Variants in RIPOR3 observed in about 807,000 individuals in gnomAD.
RIPOR3 encodes family with sequence similarity 65 member C.
Under a neutral mutation model 114.3 loss-of-function variants are expected in RIPOR3, and 95 were observed. The observed-to-expected ratio is 0.83, with a 90% CI of 0.70 to 0.99. The LOEUF (loss-of-function observed/expected upper bound fraction) is 0.99, where lower values mean the gene tolerates loss of function less well. Among genes scored for constraint, RIPOR3 ranks in the 50% least tolerant of loss-of-function variants. The probability of loss-of-function intolerance (pLI) is 0.00; values close to 1 mark genes in which losing one functional copy is unlikely to be tolerated. For synonymous variants in RIPOR3, 575 were observed against 543.8 expected (o/e 1.06, Z -0.80); for missense variants, 1,252 against 1,266.9 (o/e 0.99, Z 0.18).
chr20:50,633,476 A>G (rs1008941468), intron 1 of RIPOR3, among the ~76,000 whole-genome samples: 2 of 152,142 alleles, frequency 1.3e-5, no homozygotes, highest in Admixed American at 6.5e-5. Context: ...GCACCTATGC[A>G]GGGCCTGAGA....
At chr20:50,666,475 C>T (rs1315731811) in intron 1 of RIPOR3, among the ~76,000 whole-genome samples, 2 of 151,528 alleles carry the variant, frequency 1.3e-5, no homozygotes, top group East Asian at 2.0e-4. Context: ...CCACCTGCCC[C>T]GACCTCTGAA....
At chr20:50,613,766 C>T (rs555118954) in intron 4 of RIPOR3, among the ~76,000 whole-genome samples, 1 of 152,326 alleles carries the variant, frequency 6.6e-6, no homozygotes, top group East Asian at 1.9e-4. Context: ...CGGGGTGAGA[C>T]TCACTGTACC....
chr20:50,617,857 C>T (rs1009112432), intron 3 of RIPOR3, among the ~76,000 whole-genome samples: 12 of 149,524 alleles, frequency 8.0e-5, no homozygotes, highest in Non-Finnish European at 1.5e-4. Context: ...CTCCTGAATT[C>T]GTGATCCGCC....
chr20:50,642,360 G>C (rs1293158805), intron 1 of RIPOR3, among the ~76,000 whole-genome samples: 6 of 148,378 alleles, frequency 4.0e-5, no homozygotes, highest in African/African-American at 1.0e-4. Flanking sequence ...GTGTGTGTGT[G>C]TGTGTGTGTG....
At chr20:50,589,587 C>T (rs571711462) in intron 20 of RIPOR3, 99 bp downstream of exon 20, 32 of 1,293,008 alleles carry the variant, frequency 2.5e-5, no homozygotes, top group Middle Eastern at 1.8e-4. Context: ...TGAGCCATCA[C>T]GCCCAGCCCC....
chr20:50,592,831 T>C (rs2083157463), intron 18 of RIPOR3, among the ~76,000 whole-genome samples: 1 of 152,212 alleles, frequency 6.6e-6, no homozygotes, highest in African/African-American at 2.4e-5. Context: ...CTCTGACCTC[T>C]GTTCCGTGCT....
chr20:50,608,936 G>T lies in RIPOR3; in HGVS notation c.660C>A (p.Arg220=). 1.3e-6 allele frequency: 2 copies of T among 1,586,992 alleles called. No individual in the cohort carries two copies. Among genetic ancestry groups the T allele is most frequent in the Non-Finnish European group, 1.7e-6 (2 of 1,167,286 alleles). Residue 220 remains arginine, a synonymous_variant, in exon 9 of 22, where the codon CGC becomes CGA. Coordinates refer to ENST00000327979, the MANE Select transcript of RIPOR3 (RefSeq NM_001290268.2). ...IRMKGLVGYA[R]LCPGDHYEVL... ...CCTCATAGTGGTCTCCGGGACAGAG[G>T]CGTGCGTAGCCCACCAAGCCTGGAA...
chr20:50,594,391 G>A (rs780727976), intron 17 of RIPOR3, among the ~76,000 whole-genome samples, 162 bp downstream of exon 17: 18 of 152,262 alleles, frequency 1.2e-4, no homozygotes, highest in South Asian at 2.1e-4. Context: ...GTGAAAGGGC[G>A]GTGACTCGCA....
intron 17 of RIPOR3, among the ~76,000 whole-genome samples, chr20:50,594,191 G>A (rs539850125): frequency 4.0e-5 from 6 of 151,034 alleles, no homozygotes; most frequent in South Asian, 2.1e-4. Context: ...CAGAAGAATC[G>A]CTTGAACCCG....
rs139802411 is a variant in RIPOR3, at chr20:50,590,354, G to A, written c.2578-585C>T. On this transcript the variant is annotated intron_variant, in intron 19 of 21. Transcript: ENST00000327979. ...TTTGTCAGAAAGCACACAGGGTTAT[G>A]CCCGGCCCGCAGTGGAGTCCAGCGT... 4.3e-3 allele frequency among the ~76,000 whole-genome samples: 649 copies of A among 152,346 alleles called. 4 individuals carry two copies. Among genetic ancestry groups the A allele is most frequent in the African/African-American group, 9.9e-3 (411 of 41,588 alleles).
intron 1 of RIPOR3, among the ~76,000 whole-genome samples, chr20:50,638,624 G>A (rs74487319): frequency 7.1e-4 from 108 of 152,258 alleles, no homozygotes; most frequent in African/African-American, 2.5e-3. Context: ...GTGTCGGGGC[G>A]CCAGGTGGGA....
intron 1 of RIPOR3, among the ~76,000 whole-genome samples, chr20:50,646,459 G>T (rs1304466797): frequency 1.3e-5 from 2 of 152,168 alleles, no homozygotes; most frequent in African/African-American, 4.8e-5. Flanking sequence ...AAGTCAGATG[G>T]TTAACCTACA....
intron 1 of RIPOR3, among the ~76,000 whole-genome samples, chr20:50,651,107 A>C (rs375303846): frequency 6.5e-4 from 99 of 151,862 alleles, no homozygotes; most frequent in African/African-American, 2.1e-3. Context: ...GTTGGCTCTT[A>C]CTGGCCAAGG....
intron 2 of RIPOR3, chr20:50,621,151 C>A: frequency 5.6e-6 from 2 of 355,628 alleles, no homozygotes; most frequent in Non-Finnish European, 1.1e-5. Flanking sequence ...TAATAAAAAT[C>A]TGGTATCAGA....
chr20:50,596,373 G>A, intron 14 of RIPOR3, 110 bp from the exon 15 acceptor site: 1 of 1,475,298 alleles, frequency 6.8e-7, no homozygotes, highest in Non-Finnish European at 9.3e-7. Flanking sequence ...GCCCACTCCA[G>A]GTCCCAGGAA....
intron 1 of RIPOR3, among the ~76,000 whole-genome samples, chr20:50,682,583 G>C (rs1328932480): frequency 1.7e-5 from 1 of 59,170 alleles, no homozygotes; most frequent in African/African-American, 4.0e-5. Context: ...CTCCAGCCTG[G>C]GTGACAGAGT....
chr20:50,638,042 A>C (rs2085052773), intron 1 of RIPOR3, among the ~76,000 whole-genome samples: 1 of 152,002 alleles, frequency 6.6e-6, no homozygotes, highest in Non-Finnish European at 1.5e-5. Flanking sequence ...GAGCATATTT[A>C]AATGAAAAGA....
chr20:50,594,310 C>T (rs936944290), intron 17 of RIPOR3, among the ~76,000 whole-genome samples: 1 of 151,364 alleles, frequency 6.6e-6, no homozygotes, highest in Non-Finnish European at 1.5e-5. Context: ...ACCGGCCCAC[C>T]AAGTTTGCAC....
At chr20:50,689,029 G>T (rs1448702128) in intron 1 of RIPOR3, among the ~76,000 whole-genome samples, 1 of 152,112 alleles carries the variant, frequency 6.6e-6, no homozygotes, top group East Asian at 1.9e-4. Context: ...CAGGGCCATA[G>T]GGTTGTTACA....
Sources: gnomAD v4.1 joint callset for allele counts (sites outside exome capture counted in the v4.1 genomes callset) on GRCh38, gnomAD v4.1.1 for gene constraint, MANE v1.5 for transcripts, NCBI Gene and HGNC (gene_info 2026-07-23, HGNC 2026-07-21) for gene names.